SELENON: variants seen among roughly 807,000 people sequenced by gnomAD.
SELENON encodes selenoprotein N, 1.
A neutral mutation model predicts 59.5 loss-of-function variants in SELENON; 44 were observed. The ratio of observed to expected loss-of-function variants is 0.74; its 90% CI spans 0.58 to 0.95. SELENON has a LOEUF of 0.95. Ranked by LOEUF, SELENON falls within the 40% of genes least tolerant of loss-of-function variation. The pLI, the probability that SELENON is intolerant of heterozygous loss-of-function variation, is 0.00. For missense variants in SELENON, 674 were observed against 721.4 expected, an observed-to-expected ratio of 0.93 and a Z score of 0.75; for synonymous variants, 320 against 305.6, an observed-to-expected ratio of 1.05 and a Z score of -0.49.
rs972628644 is a variant in SELENON at position 25,812,595 on chromosome 1, ACACACACAC to A, written c.1282-91_1282-83del. ...CACACACACACACACACACACACAC[ACACACACAC>A]ACTTGCACACACTACAGACTCAGCC... On this transcript the variant is annotated intron_variant, in intron 9 of 12. Transcript: ENST00000361547. The A allele has an allele frequency of 1.4e-4, 114 of 818,334 alleles. No individual in the cohort carries two copies. In the African/African-American group the frequency reaches 1.6e-3, roughly 11 times the overall value. 50.7% of individuals were successfully genotyped at this position (818,334 alleles called of 1,614,324 possible).
rs2047850176 is a variant in SELENON, at chr1:25,800,356, T to C, written c.126T>C (p.Ala42=). ...TCGGAGCCCTGCTGGCCGCCGCCGC[T>C]GCCGCCGCCGTCCGGGTCTGCGCCC... The change falls in exon 1 of 13, where the codon GCT becomes GCC. Residue 42 remains alanine (A), a synonymous_variant. Transcript: ENST00000361547. The C allele has an allele frequency of 9.5e-7, 1 of 1,056,246 alleles. No individual in the cohort carries two copies. Among genetic ancestry groups the C allele is most frequent in the African/African-American group, 1.7e-5 (1 of 58,392 alleles). The allele number at this position is 1,056,246 out of a possible 1,614,324, so 65.4% of individuals were successfully genotyped here.
chr1:25,811,586 C>T, intron 8 of SELENON, 51 bp downstream of exon 7: 3 of 1,606,144 alleles, frequency 1.9e-6, no homozygotes, highest in Non-Finnish European at 2.6e-6. Flanking sequence ...CAGGGCCCCG[C>T]CCTCCCTCTG....
Position 25,801,091 on chromosome 1 carries a change from TC to T in SELENON, c.234del (p.Leu79TrpfsTer21). The T allele has an allele frequency of 6.2e-7, 1 of 1,614,120 alleles. No homozygotes were observed. Among genetic ancestry groups the T allele is most frequent in the East Asian group, 2.2e-5 (1 of 44,880 alleles). On this transcript the variant is annotated frameshift_variant, in exon 2 of 13. Coordinates refer to ENST00000361547, the MANE Select transcript of SELENON (RefSeq NM_020451.3). LOFTEE classifies it high-confidence loss of function. ...GACAGATGGCCTTTTTCTCTTTTCC[TC>T]CTTGGACACTGACGGGGATATGTAC...
At chr1:25,806,779 C>G (rs1463302412) in intron 4 of SELENON, among the ~76,000 whole-genome samples, 42 of 151,628 alleles carry the variant, frequency 2.8e-4, no homozygotes, top group Non-Finnish European at 5.9e-5. Context: ...GGAATTGCCA[C>G]CTGGCCCAGC....
intron 3 of SELENON, among the ~76,000 whole-genome samples, chr1:25,802,544 C>T (rs532596169): frequency 2.6e-5 from 4 of 151,794 alleles, no homozygotes; most frequent in South Asian, 4.2e-4. Flanking sequence ...TTAGTAGAGA[C>T]GGGGTTTTGC....
At chr1:25,803,713 TTTG>T (rs1160697575) in intron 3 of SELENON, among the ~76,000 whole-genome samples, 1 of 149,524 alleles carries the variant, frequency 6.7e-6, no homozygotes, top group East Asian at 2.0e-4. Flanking sequence ...TTTTTGTTTT[TTTG>T]TTTTTTTTTT....
chr1:25,813,752 C>A, intron 10 of SELENON, 129 bp from the exon 10 acceptor site: 1 of 755,204 alleles, frequency 1.3e-6, no homozygotes, highest in Non-Finnish European at 2.4e-6. Context: ...CCTACTCTAC[C>A]TCAGGCTCTT....
chr1:25,809,118 C>T lies in SELENON; in HGVS notation c.840C>T (p.Ala280=). The change falls in exon 6 of 13, where the codon GCC becomes GCT. Residue 280 remains alanine, a synonymous_variant. Transcript: ENST00000361547. ...AGGGAGCTGTGGCCTGCCTGACTGCCATCAGCGACTTCTACTACACTGTGA... is the reference window on the plus strand; with the variant it reads ...AGGGAGCTGTGGCCTGCCTGACTGCTATCAGCGACTTCTACTACACTGTGA... 6.2e-7 allele frequency: 1 copy of T among 1,613,820 alleles called. No homozygotes were observed. The highest frequency in any genetic ancestry group is 8.5e-7 in the Non-Finnish European group (1 of 1,180,024).
Position 25,805,363 on chromosome 1 carries a change from CTG to C in SELENON, c.537+93_537+94del, listed in dbSNP as rs2124442841. On this transcript the variant is annotated intron_variant, in intron 4 of 12. Coordinates refer to ENST00000361547, the MANE Select transcript of SELENON (RefSeq NM_020451.3). ...CATTCATCCATCTTTCCTCTGCCCT[CTG>C]TGTGCCCACTAGAGCCAGGCCCTGG... The C allele has an allele frequency of 2.5e-6, 4 of 1,582,054 alleles. No individual in the cohort carries two copies. In the East Asian group the frequency reaches 6.7e-5, roughly 27 times the overall value.
At position 25,813,988 on chromosome 1, in the gene SELENON, C is replaced by G. The variant is rs760671117; in HGVS notation, c.1495C>G (p.Leu499Val). 2.5e-6 allele frequency: 4 copies of G among 1,614,012 alleles called. No individual in the cohort carries two copies. In the East Asian group the frequency reaches 8.9e-5, roughly 36 times the overall value. Residue 499 changes from leucine to valine, a missense_variant, in exon 11 of 13, where the codon CTG (leucine) becomes GTG (valine). Coordinates refer to ENST00000361547, the MANE Select transcript of SELENON (RefSeq NM_020451.3). ...GTCCCTGGTGAAGGAGCTGGAGGAA[C>G]TGCAGGTGAGCGGGCAGGTGGCAGG...
chr1:25,814,038 G>A lies in SELENON; in HGVS notation c.1501-39G>A, dbSNP rs1172081548. 3.7e-6 allele frequency: 6 copies of A among 1,609,864 alleles called. No individual in the cohort carries two copies. In the African/African-American group the frequency reaches 5.3e-5, roughly 14 times the overall value. ...GAACAGGAGCGTCCGGAACAGTGGT[G>A]GGGGCCGCGGCATCAGGAGTGTGCA... is the stretch of plus-strand genomic sequence containing the variant. On this transcript the variant is annotated intron_variant, in intron 11 of 12. Coordinates refer to ENST00000361547, the MANE Select transcript of SELENON (RefSeq NM_020451.3).
intron 3 of SELENON, 106 bp from the exon 3 acceptor site, chr1:25,805,036 C>T (rs762564097): frequency 9.4e-6 from 14 of 1,488,950 alleles, no homozygotes; most frequent in Non-Finnish European, 1.2e-5. Flanking sequence ...CCCAGCTACC[C>T]CCACCCCCTG....
At position 25,812,572 on chromosome 1, in the gene SELENON, C is replaced by CACACACACAA. The variant is rs1373266984; in HGVS notation, c.1282-106_1282-105insAACACACACA. 18 of 368,686 alleles carry CACACACACAA rather than the reference C, an allele frequency of 4.9e-5. 1 individual carries two copies. Among genetic ancestry groups the CACACACACAA allele is most frequent in the Non-Finnish European group, 7.7e-5 (16 of 208,632 alleles). The allele number at this position is 368,686 out of a possible 1,614,324, so 22.8% of individuals were successfully genotyped here. A position where few individuals can be genotyped will look rare whatever the true frequency, so the allele number is the denominator to read the frequency against. ...ATATATGCCTACACACAAACACACA[C>CACACACACAA]ACACACACACACACACACACACACA... On this transcript the variant is annotated intron_variant, in intron 9 of 12. Transcript: ENST00000361547.
At chr1:25,805,033 A>G (rs925335147) in intron 3 of SELENON, 109 bp from the exon 3 acceptor site, 8 of 1,448,762 alleles carry the variant, frequency 5.5e-6, no homozygotes, top group South Asian at 2.3e-5. Flanking sequence ...CACCCCAGCT[A>G]CCCCCACCCC....
At chr1:25,815,436 A>G (rs1462323462) in intron 12 of SELENON, 112 bp from the exon 12 acceptor site, 25 of 924,960 alleles carry the variant, frequency 2.7e-5, no homozygotes, top group Non-Finnish European at 4.1e-5. Flanking sequence ...TCCACCTCAG[A>G]CAAGGACAGT....
In SELENON at chr1:25,807,959, TG is replaced by T. The variant is rs1284102026; in HGVS notation, c.538-616del. Among the ~76,000 whole-genome samples, 3 of 152,312 alleles carry T rather than the reference TG, an allele frequency of 2.0e-5. No homozygotes were observed. In the East Asian group the frequency reaches 5.8e-4, roughly 29 times the overall value. On this transcript the variant is annotated intron_variant, in intron 4 of 12. Coordinates refer to ENST00000361547, the MANE Select transcript of SELENON (RefSeq NM_020451.3). The surrounding 1 kb of genome is among the most constrained non-coding windows in gnomAD (Gnocchi z 4.5). ...GGCTGTACTTAAGGCAGGGCCCTTC[TG>T]GGGGTGGCCTTCCTTCCCCTTCCCT... is the stretch of plus-strand genomic sequence containing the variant.
intron 7 of SELENON, among the ~76,000 whole-genome samples, chr1:25,810,150 G>A (rs775492454): frequency 5.3e-5 from 8 of 152,328 alleles, no homozygotes; most frequent in South Asian, 2.1e-4. Context: ...GCCTGTGCAC[G>A]CCACCAAGAG....
At chr1:25,815,234 CG>C (rs1470286412) in intron 12 of SELENON, among the ~76,000 whole-genome samples, 1 of 133,738 alleles carries the variant, frequency 7.5e-6, no homozygotes, top group African/African-American at 2.9e-5. Context: ...GATGGGAGTC[CG>C]GGGTCACAGG....
intron 12 of SELENON, among the ~76,000 whole-genome samples, chr1:25,814,875 C>T (rs1383780322): frequency 6.6e-6 from 1 of 152,010 alleles, no homozygotes; most frequent in Non-Finnish European, 1.5e-5. Flanking sequence ...AGGATGGGAG[C>T]AGTTCAGGAG....
Sources: allele counts gnomAD v4.1 joint callset (sites outside exome capture counted in the v4.1 genomes callset), GRCh38; gene constraint gnomAD v4.1.1; non-coding constraint Gnocchi (gnomAD v3.1); transcripts MANE v1.5; gene names NCBI Gene and HGNC (gene_info 2026-07-23, HGNC 2026-07-21).